Variants in PTPRT observed in about 807,000 individuals in gnomAD.
PTPRT encodes protein tyrosine phosphatase receptor type T, also known as receptor-type tyrosine-protein phosphatase T.
PTPRT carries 56 observed loss-of-function variants against 176.8 expected under a neutral mutation model. The ratio of observed to expected loss-of-function variants is 0.32; its 90% confidence interval spans 0.26 to 0.40. PTPRT has a LOEUF of 0.40. PTPRT is among the 10% of genes least tolerant of loss of function. PTPRT has a pLI of 1.00. For missense variants in PTPRT, 1,540 were observed against 1,908.2 expected (o/e 0.81, Z 3.60); for synonymous variants, 783 against 739.0 (o/e 1.06, Z -0.96).
chr20:42,259,561 A>T (rs1280226759), intron 13 of PTPRT, among the ~76,000 whole-genome samples: 2 of 152,250 alleles, frequency 1.3e-5, no homozygotes, highest in Non-Finnish European at 2.9e-5. Flanking sequence ...GAGAGGATTC[A>T]GTCTGTGGTA....
intron 1 of PTPRT, among the ~76,000 whole-genome samples, chr20:42,987,393 T>C (rs1224831626): frequency 1.3e-5 from 2 of 152,202 alleles, no homozygotes; most frequent in South Asian, 2.1e-4. Flanking sequence ...GCTATGGTGG[T>C]CGGCAGTGCA....
chr20:43,109,464 C>A (rs1040159406), intron 1 of PTPRT, among the ~76,000 whole-genome samples: 1 of 152,158 alleles, frequency 6.6e-6, no homozygotes, highest in African/African-American at 2.4e-5. Flanking sequence ...GACCTGACTT[C>A]ACTTCCAGCC....
At chr20:42,601,450 T>C (rs1287097557) in intron 7 of PTPRT, among the ~76,000 whole-genome samples, 1 of 152,198 alleles carries the variant, frequency 6.6e-6, no homozygotes, top group Non-Finnish European at 1.5e-5. Context: ...CCTTGTGAGA[T>C]TTGAAGGCCA....
intron 7 of PTPRT, among the ~76,000 whole-genome samples, chr20:42,541,010 A>G (rs1265570118): frequency 6.6e-6 from 1 of 152,138 alleles, no homozygotes; most frequent in East Asian, 1.9e-4. Flanking sequence ...CATAATTATA[A>G]CCAGGTGAAA....
intron 7 of PTPRT, among the ~76,000 whole-genome samples, chr20:42,516,038 G>T (rs1276457656): frequency 6.9e-6 from 1 of 144,524 alleles, no homozygotes; most frequent in Non-Finnish European, 1.5e-5. Context: ...CTCACTCATA[G>T]GTGGGAATTG....
intron 8 of PTPRT, among the ~76,000 whole-genome samples, chr20:42,469,711 C>A (rs2071161295): frequency 6.6e-6 from 1 of 151,514 alleles, no homozygotes. Flanking sequence ...CAAGGATGAC[C>A]CCAAAGACCA....
intron 16 of PTPRT, among the ~76,000 whole-genome samples, chr20:42,184,518 CCT>C (rs1568651959): frequency 0.016 from 881 of 54,326 alleles, 28 homozygotes; most frequent in African/African-American, 0.044. Context: ...TCCTCCTCCT[CCT>C]TCTTCTTCTT....
chr20:42,470,466 T>C (rs1010425133), intron 8 of PTPRT, among the ~76,000 whole-genome samples: 1 of 152,118 alleles, frequency 6.6e-6, no homozygotes, highest in Admixed American at 6.5e-5. Context: ...GGGAAAACTT[T>C]CTTAATCAGT....
At chr20:42,120,687 G>A (rs879933431) in intron 19 of PTPRT, among the ~76,000 whole-genome samples, 1 of 152,212 alleles carries the variant, frequency 6.6e-6, no homozygotes, top group Admixed American at 6.5e-5. Flanking sequence ...AGAGGTTGAA[G>A]GTGACCCCTC....
chr20:42,047,668 C>T, the PTPRT span, among the ~76,000 whole-genome samples: 3 of 152,156 alleles, frequency 2.0e-5, no homozygotes, highest in African/African-American at 7.2e-5. Context: ...CCCTTTAGTT[C>T]TGGACAAGCA....
chr20:42,760,380 CTTTTTTT>C (rs754362528), intron 5 of PTPRT, among the ~76,000 whole-genome samples: 9 of 94,230 alleles, frequency 9.6e-5, no homozygotes, highest in South Asian at 6.9e-4. Flanking sequence ...TCTAAATCTG[CTTTTTTT>C]TTTTTTTTTT....
intron 1 of PTPRT, 117 bp from the exon 2 acceptor site, chr20:42,886,049 C>CTTTATA (rs58536258): frequency 3.0e-4 from 131 of 431,352 alleles, no homozygotes; most frequent in Middle Eastern, 7.9e-4. Flanking sequence ...AGAAGATTTT[C>CTTTATA]CATATATATA....
intron 13 of PTPRT, among the ~76,000 whole-genome samples, chr20:42,250,272 C>T (rs575862218): frequency 6.6e-6 from 1 of 152,294 alleles, no homozygotes; most frequent in African/African-American, 2.4e-5. Flanking sequence ...GGTAATAGGG[C>T]TCCCTAAATG....
chr20:42,932,234 A>C (rs932177932), intron 1 of PTPRT, among the ~76,000 whole-genome samples: 6 of 152,236 alleles, frequency 3.9e-5, no homozygotes, highest in African/African-American at 9.6e-5. Flanking sequence ...AGCCAAGCCT[A>C]GGGGAAATCT....
chr20:42,326,776 A>G (rs2057888696), intron 11 of PTPRT, among the ~76,000 whole-genome samples: 1 of 152,174 alleles, frequency 6.6e-6, no homozygotes, highest in South Asian at 2.1e-4. Flanking sequence ...AGCATCATAT[A>G]TTGTAAAAAT....
At chr20:42,301,411 GAACTCTA>G (rs1049630526) in intron 12 of PTPRT, among the ~76,000 whole-genome samples, 1 of 152,036 alleles carries the variant, frequency 6.6e-6, no homozygotes, top group Non-Finnish European at 1.5e-5. Flanking sequence ...ACAGATATGA[GAACTCTA>G]AAGGGACCTG....
chr20:42,449,876 TA>T (rs2070796179), intron 8 of PTPRT, among the ~76,000 whole-genome samples: 1 of 152,226 alleles, frequency 6.6e-6, no homozygotes, highest in South Asian at 2.1e-4. Flanking sequence ...AAATTACTCA[TA>T]ATTCACATGT....
At chr20:42,746,192 T>A (rs1285353562) in intron 6 of PTPRT, among the ~76,000 whole-genome samples, 4 of 152,232 alleles carry the variant, frequency 2.6e-5, no homozygotes, top group African/African-American at 9.6e-5. Context: ...TACACTTTTT[T>A]AAAAATAAGC....
intron 6 of PTPRT, among the ~76,000 whole-genome samples, chr20:42,738,521 A>C (rs58326164): frequency 0.088 from 13,366 of 151,924 alleles, 772 homozygotes; most frequent in Non-Finnish European, 0.12. Flanking sequence ...AAAAAAAAAA[A>C]GAATGACATT....
Sources: gnomAD v4.1 joint callset for allele counts (sites outside exome capture counted in the v4.1 genomes callset) on GRCh38, gnomAD v4.1.1 for gene constraint, MANE v1.5 for transcripts, NCBI Gene and HGNC (gene_info 2026-07-23, HGNC 2026-07-21) for gene names.